The following RHCE variants were observed in gnomAD, a reference collection of about 807,000 sequenced individuals.
The protein encoded by RHCE is blood group Rh(CE) polypeptide.
In RHCE, 22 loss-of-function variants were observed where a neutral mutation model predicts 43.8. The ratio of observed to expected loss-of-function variants is 0.50; its 90% CI spans 0.36 to 0.72. The LOEUF (loss-of-function observed/expected upper bound fraction) is 0.72, where lower values mean the gene tolerates loss of function less well. Ranked by LOEUF, RHCE falls within the 30% of genes least tolerant of loss-of-function variation. RHCE has a pLI of 0.00. For synonymous variants in RHCE, 156 were observed against 210.7 expected, an observed-to-expected ratio of 0.74 and a Z score of 2.25; for missense variants, 385 against 525.4, an observed-to-expected ratio of 0.73 and a Z score of 2.61.
intron 1 of RHCE, among the ~76,000 whole-genome samples, chr1:25,413,226 C>T (rs1264107512): frequency 6.6e-6 from 1 of 152,136 alleles, no homozygotes; most frequent in Non-Finnish European, 1.5e-5. Flanking sequence ...GAGCTGTTGA[C>T]AGAGCTCATG....
intron 7 of RHCE, among the ~76,000 whole-genome samples, chr1:25,382,526 C>T (rs1357394317): frequency 2.7e-5 from 4 of 150,564 alleles, no homozygotes; most frequent in South Asian, 2.1e-4. Flanking sequence ...ACAACTCATT[C>T]TATATGATGC....
rs544659596 is a variant in RHCE, at chr1:25,420,563, C to T, written c.148+76G>A. 8.1e-6 allele frequency: 13 copies of T among 1,613,242 alleles called. No individual in the cohort carries two copies. The South Asian group carries it at 1.4e-4, about 18-fold the overall frequency. On this transcript the variant is annotated intron_variant, in intron 1 of 9. Transcript: ENST00000294413. ...TTTTGTAGAAAGGAACATCTGTGCC[C>T]CTGGAGAACCATAGGCCTCCCCCGC...
chr1:25,399,640 CA>C (rs1452106207), intron 3 of RHCE, among the ~76,000 whole-genome samples: 1 of 152,098 alleles, frequency 6.6e-6, no homozygotes, highest in African/African-American at 2.4e-5. Context: ...GTTTAATTTT[CA>C]AAAACTTCCC....
intron 5 of RHCE, among the ~76,000 whole-genome samples, chr1:25,389,813 T>C (rs1292387623): frequency 6.6e-6 from 1 of 152,166 alleles, no homozygotes; most frequent in Non-Finnish European, 1.5e-5. Context: ...AGCTCTGCTA[T>C]GTCCTTCACT....
In RHCE at chr1:25,390,883, C is replaced by A. The variant is rs147357308; in HGVS notation, c.667G>T (p.Val223Phe). Residue 223 changes from valine (V) to phenylalanine (F), a missense_variant, in exon 5 of 10, where the codon GTC becomes TTC. This residue lies in a region of RHCE where 110 missense variants were observed against 103.4 expected (regional missense o/e 1.06). Transcript: ENST00000294413. Reference sequence around the variant, plus strand: ...GGACTTCTCAGCAGAGCAGAGTTGACACTTGGCCAGAACATCCACAAGAAG... The same window carrying A: ...GGACTTCTCAGCAGAGCAGAGTTGAAACTTGGCCAGAACATCCACAAGAAG... ...ALFLWMFWPS[V>F]NSALLRSPIQ... The A allele has an allele frequency of 7.4e-4, 1,196 of 1,614,170 alleles. 10 individuals carry two copies. In the African/African-American group the frequency reaches 0.012, roughly 17 times the overall value.
chr1:25,386,834 AACAACAAAACACAC>A (rs1433669940), intron 6 of RHCE, among the ~76,000 whole-genome samples: 6 of 138,698 alleles, frequency 4.3e-5, no homozygotes, highest in Non-Finnish European at 7.8e-5. Context: ...CAACAACAAC[AACAACAAAACACAC>A]ACACACACAC....
At position 25,420,534 on chromosome 1, in the gene RHCE, G is replaced by A. The variant is rs181188411; in HGVS notation, c.148+105C>T. The A allele has an allele frequency of 1.3e-4, 208 of 1,607,140 alleles. No homozygotes were observed. The African/African-American group carries it at 2.1e-3, about 16-fold the overall frequency. ...AAGAAGATGGGGGAATCTTTTCCTC[G>A]GGATTTTGTAGAAAGGAACATCTGT... is the stretch of plus-strand genomic sequence containing the variant. On this transcript the variant is annotated intron_variant, in intron 1 of 9. Transcript: ENST00000294413.
intron 3 of RHCE, among the ~76,000 whole-genome samples, chr1:25,393,411 A>C (rs574819287): frequency 1.3e-5 from 2 of 152,252 alleles, no homozygotes; most frequent in African/African-American, 4.8e-5. Flanking sequence ...ACCTGAGGTC[A>C]GGAGTTCGAT....
chr1:25,388,821 G>A (rs1218578370), intron 6 of RHCE, among the ~76,000 whole-genome samples, 155 bp downstream of exon 6: 8 of 152,156 alleles, frequency 5.3e-5, no homozygotes, highest in East Asian at 1.9e-4. Flanking sequence ...ATGTGCCACC[G>A]AGCCAGGATG....
chr1:25,389,007 AG>A lies in RHCE; in HGVS notation c.907del (p.Leu303Ter), dbSNP rs747976226. On this transcript the variant is annotated frameshift_variant, in exon 6 of 10. Coordinates refer to ENST00000294413, the MANE Select transcript of RHCE (RefSeq NM_020485.8). LOFTEE classifies it high-confidence loss of function. ...LAMVLGLVAG[L>X]ISIGGAKCLP... is the part of the protein sequence containing the mutation. ...GCACTTGGCTCCCCCGATGGAGATC[AG>A]CCCAGCCACAAGACCCAGCACCATG... 39 of 1,614,240 alleles carry A rather than the reference AG, an allele frequency of 2.4e-5. No individual in the cohort carries two copies. The Admixed American group carries it at 4.7e-4, about 19-fold the overall frequency.
At chr1:25,375,285 G>A in intron 8 of RHCE, 64 bp downstream of exon 8, 1 of 1,438,020 alleles carries the variant, frequency 7.0e-7, no homozygotes, top group Non-Finnish European at 9.8e-7. Flanking sequence ...CACACGGCAG[G>A]GTGCGCTCTG....
chr1:25,384,702 C>T (rs1485028448), intron 7 of RHCE, among the ~76,000 whole-genome samples: 1 of 152,184 alleles, frequency 6.6e-6, no homozygotes, highest in Non-Finnish European at 1.5e-5. Flanking sequence ...GGAACCCCAG[C>T]GCCTCCATGA....
At chr1:25,393,288 C>T (rs953258937) in intron 3 of RHCE, among the ~76,000 whole-genome samples, 4 of 152,102 alleles carry the variant, frequency 2.6e-5, no homozygotes, top group African/African-American at 9.7e-5. Flanking sequence ...TGTCTTCCTG[C>T]GGACTGTTCT....
intron 7 of RHCE, among the ~76,000 whole-genome samples, chr1:25,377,116 C>A (rs1645810989): frequency 6.6e-6 from 1 of 152,046 alleles, no homozygotes; most frequent in Non-Finnish European, 1.5e-5. Flanking sequence ...GCTCCAAACA[C>A]AGTTCAGGTT....
intron 1 of RHCE, among the ~76,000 whole-genome samples, chr1:25,416,174 A>T (rs1647406179): frequency 6.6e-6 from 1 of 152,134 alleles, no homozygotes; most frequent in Non-Finnish European, 1.5e-5. Context: ...GCCCTAAGGG[A>T]ATATTGGTCC....
intron 1 of RHCE, among the ~76,000 whole-genome samples, chr1:25,420,108 G>C (rs1328452320): frequency 1.3e-5 from 2 of 151,812 alleles, no homozygotes; most frequent in African/African-American, 4.9e-5. Context: ...CTTGAGACTA[G>C]GAGGTCAAGG....
At chr1:25,402,466 T>C in intron 3 of RHCE, 130 bp downstream of exon 3, 2 of 1,300,134 alleles carry the variant, frequency 1.5e-6, no homozygotes. Context: ...CCTCAAGTGA[T>C]CTTCCCTCCT....
At chr1:25,413,473 T>A (rs1324627215) in intron 1 of RHCE, among the ~76,000 whole-genome samples, 1 of 152,202 alleles carries the variant, frequency 6.6e-6, no homozygotes, top group Admixed American at 6.5e-5. Context: ...TCTAAGGTGT[T>A]CAGGGGTGAT....
chr1:25,372,868 G>C (rs757958552), intron 8 of RHCE, among the ~76,000 whole-genome samples: 56 of 151,578 alleles, frequency 3.7e-4, no homozygotes, highest in Admixed American at 3.7e-3. Flanking sequence ...GCAGTGGCAC[G>C]ATCTCAGCTC....
Sources: gnomAD v4.1 joint callset for allele counts (sites outside exome capture counted in the v4.1 genomes callset) on GRCh38, gnomAD v4.1.1 for gene constraint, gnomAD v4.1.1 regional missense constraint, MANE v1.5 for transcripts, NCBI Gene and HGNC (gene_info 2026-07-23, HGNC 2026-07-21) for gene names.